Variants in MICAL3 observed in about 807,000 individuals in gnomAD.
MICAL3 encodes the protein microtubule associated monooxygenase, calponin and LIM domain containing 3.
MICAL3 carries 62 observed loss-of-function variants against 207.4 expected under a neutral mutation model. The observed-to-expected ratio is 0.30, with a 90% CI of 0.24 to 0.37. The LOEUF is 0.37. MICAL3 is among the 10% of genes least tolerant of loss of function. MICAL3 has a pLI of 1.00. For missense variants in MICAL3, 2,368 were observed against 2,635.6 expected, an observed-to-expected ratio of 0.90 and a Z score of 2.22; for synonymous variants, 1,077 against 1,069.3, an observed-to-expected ratio of 1.01 and a Z score of -0.14.
intron 1 of MICAL3, among the ~76,000 whole-genome samples, chr22:18,022,703 A>G (rs1476557367): frequency 6.6e-6 from 1 of 152,214 alleles, no homozygotes; most frequent in Non-Finnish European, 1.5e-5. Context: ...TGCTGGGATT[A>G]CAGGCCTGAG....
At chr22:17,982,992 C>CCG (rs1935995556) in intron 1 of MICAL3, among the ~76,000 whole-genome samples, 1 of 152,106 alleles carries the variant, frequency 6.6e-6, no homozygotes, top group Non-Finnish European at 1.5e-5. Flanking sequence ...ACCTCAGAAA[C>CCG]GAAGGACCTT....
chr22:17,855,697 C>G (rs1393489646), intron 19 of MICAL3, among the ~76,000 whole-genome samples: 1 of 152,214 alleles, frequency 6.6e-6, no homozygotes, highest in Non-Finnish European at 1.5e-5. Flanking sequence ...TAATGACTTC[C>G]CCCATTGCAC....
chr22:18,001,954 T>C (rs1415892848), intron 1 of MICAL3, among the ~76,000 whole-genome samples: 1 of 151,938 alleles, frequency 6.6e-6, no homozygotes, highest in Non-Finnish European at 1.5e-5. Flanking sequence ...TCCCAACACT[T>C]TGGGGAGCCG....
intron 1 of MICAL3, among the ~76,000 whole-genome samples, chr22:17,920,511 C>T (rs1389579342): frequency 6.6e-6 from 1 of 152,192 alleles, no homozygotes; most frequent in Non-Finnish European, 1.5e-5. Flanking sequence ...CTGGCTGCAG[C>T]GCTTCCTGGA....
intron 7 of MICAL3, among the ~76,000 whole-genome samples, chr22:17,898,692 C>T (rs1484465049): frequency 6.6e-6 from 1 of 152,172 alleles, no homozygotes; most frequent in Non-Finnish European, 1.5e-5. Flanking sequence ...CACGTTGAGA[C>T]CAGTGAGACC....
In MICAL3 at chr22:17,855,703, T is replaced by C. The variant is rs116751271; in HGVS notation, c.2605+9196A>G. Among the ~76,000 whole-genome samples, 890 of 152,376 alleles carry C rather than the reference T, an allele frequency of 5.8e-3. 9 individuals are homozygous for C. The highest frequency in any genetic ancestry group is 0.02 in the African/African-American group (829 of 41,594). On this transcript the variant is annotated intron_variant, in intron 19 of 31. Coordinates refer to ENST00000441493, the MANE Select transcript of MICAL3 (RefSeq NM_015241.3). Reference sequence around the variant, plus strand: ...CCATTTCTTTAATGACTTCCCCCATTGCACCTCAGTGATGAAATCCTTTGC... The same window carrying C: ...CCATTTCTTTAATGACTTCCCCCATCGCACCTCAGTGATGAAATCCTTTGC...
Position 17,791,017 on chromosome 22 carries a change from C to T in MICAL3, c.5805G>A (p.Arg1935=), listed in dbSNP as rs2061818652. The change falls in exon 31 of 32, where the codon CGG becomes CGA. Residue 1935 remains arginine, a synonymous_variant. Transcript: ENST00000441493. ...DRQSRLQQEL[R]ERMAVEDHLK... ...ACTCACCTTCCACTGCCATGCGTTC[C>T]CGGAGCTCCTGCTGCAGTCGACTCT... 1 of 1,612,490 alleles carries T rather than the reference C, an allele frequency of 6.2e-7. No homozygotes were observed.
intron 2 of MICAL3, among the ~76,000 whole-genome samples, chr22:17,905,855 T>A (rs1422004118): frequency 1.3e-5 from 2 of 152,192 alleles, no homozygotes; most frequent in African/African-American, 2.4e-5. Flanking sequence ...GGAAACCCCA[T>A]TTCTCCACAT....
At position 17,954,940 on chromosome 22, in the gene MICAL3, T is replaced by C. The variant is rs192059339; in HGVS notation, c.-74-48054A>G. ...TGTTTCACCATGTTGGCTAGGCTGGTCTCAAACTCCTGACCTCAAGTGATC... is the reference window on the plus strand; with the variant it reads ...TGTTTCACCATGTTGGCTAGGCTGGCCTCAAACTCCTGACCTCAAGTGATC... On this transcript the variant is annotated intron_variant, in intron 1 of 31. Coordinates refer to ENST00000441493, the MANE Select transcript of MICAL3 (RefSeq NM_015241.3). Among the ~76,000 whole-genome samples the C allele has an allele frequency of 5.1e-3, 781 of 152,154 alleles. 23 individuals carry two copies. The highest frequency in any genetic ancestry group is 0.041 in the Admixed American group (630 of 15,278).
At chr22:17,795,867 C>T (rs1335890463) in intron 29 of MICAL3, among the ~76,000 whole-genome samples, 1 of 125,802 alleles carries the variant, frequency 7.9e-6, no homozygotes, top group Non-Finnish European at 1.6e-5. Context: ...GGGAGTTCCA[C>T]CTGACTGGAA....
intron 1 of MICAL3, among the ~76,000 whole-genome samples, chr22:17,918,267 C>T (rs567399200): frequency 6.6e-5 from 10 of 150,804 alleles, no homozygotes; most frequent in East Asian, 3.9e-4. Context: ...GCGGACAGAA[C>T]GAGACTGTCT....
At chr22:17,866,603 T>TAGAACAGAAC (rs200671730) in intron 17 of MICAL3, among the ~76,000 whole-genome samples, 3 of 143,520 alleles carry the variant, frequency 2.1e-5, no homozygotes, top group African/African-American at 7.9e-5. Flanking sequence ...GGGAACAGCA[T>TAGAACAGAAC]AGAACAGAAC....
At position 17,818,087 on chromosome 22, in the gene MICAL3, T is replaced by A. The variant is rs1368332142; in HGVS notation, c.4574A>T (p.Asp1525Val). 3 of 1,612,934 alleles carry A rather than the reference T, an allele frequency of 1.9e-6. No homozygotes were observed. The South Asian group carries it at 3.3e-5, about 18-fold the overall frequency. The change falls in exon 26 of 32, where the codon GAT becomes GTT. Residue 1525 changes from aspartate (D) to valine (V), a missense_variant. Around this residue, in one of 4 missense-constraint regions of MICAL3, gnomAD observed 1,770 missense variants for 1,863.2 expected, o/e 0.95. Coordinates refer to ENST00000441493, the MANE Select transcript of MICAL3 (RefSeq NM_015241.3). ...CTTGTCGTCATAGGTGTCCTCCACA[T>A]CATCAGCAAAGGGAATCTCCTCCAC... ...ESVEEIPFAD[D>V]VEDTYDDKTE...
intron 1 of MICAL3, among the ~76,000 whole-genome samples, chr22:17,976,913 T>G (rs530368964): frequency 3.3e-5 from 5 of 151,758 alleles, no homozygotes; most frequent in Admixed American, 6.6e-5. Flanking sequence ...TTCACGCCAT[T>G]CTCCTGCCTC....
intron 1 of MICAL3, among the ~76,000 whole-genome samples, chr22:17,982,966 AC>A (rs1211589032): frequency 6.6e-6 from 1 of 152,122 alleles, no homozygotes; most frequent in Non-Finnish European, 1.5e-5. Context: ...TCTGGAAAGG[AC>A]AGAGTCCAAA....
chr22:17,995,016 G>T (rs1265618799), intron 1 of MICAL3, among the ~76,000 whole-genome samples: 1 of 152,000 alleles, frequency 6.6e-6, no homozygotes, highest in Non-Finnish European at 1.5e-5. Context: ...CTCTGAGCTG[G>T]GCGCTAGAGA....
intron 20 of MICAL3, among the ~76,000 whole-genome samples, chr22:17,836,769 C>T (rs1416893692): frequency 6.6e-6 from 1 of 151,966 alleles, no homozygotes; most frequent in Non-Finnish European, 1.5e-5. Context: ...CTCAGCCTCT[C>T]GAGCAGCTGG....
intron 1 of MICAL3, among the ~76,000 whole-genome samples, chr22:17,964,550 C>T (rs997688985): frequency 1.2e-4 from 19 of 152,228 alleles, no homozygotes; most frequent in Admixed American, 1.2e-3. Flanking sequence ...CTCCACAGGA[C>T]TTGGACCCTA....
intron 1 of MICAL3, among the ~76,000 whole-genome samples, chr22:17,925,837 G>A (rs554062499): frequency 6.6e-6 from 1 of 152,050 alleles, no homozygotes; most frequent in Non-Finnish European, 1.5e-5. Flanking sequence ...CATCAAACAC[G>A]TTTCAGTTAA....
Sources: gnomAD v4.1 joint callset for allele counts (sites outside exome capture counted in the v4.1 genomes callset) on GRCh38, gnomAD v4.1.1 for gene constraint, gnomAD v4.1.1 regional missense constraint, MANE v1.5 for transcripts, NCBI Gene and HGNC (gene_info 2026-07-23, HGNC 2026-07-21) for gene names.